Variants in NOVA2 observed in about 807,000 individuals in gnomAD.
NOVA2 encodes the protein RNA-binding protein Nova-2.
NOVA2 carries 9 observed loss-of-function variants against 22.5 expected under a neutral mutation model. The ratio of observed to expected loss-of-function variants is 0.40; its 90% CI spans 0.24 to 0.70. The LOEUF is 0.70. Among genes scored for constraint, NOVA2 ranks in the 30% least tolerant of loss-of-function variants. The probability of loss-of-function intolerance (pLI) is 0.38; values close to 1 mark genes in which losing one functional copy is unlikely to be tolerated. For missense variants in NOVA2, 383 were observed against 682.8 expected (o/e 0.56, Z 4.89); for synonymous variants, 318 against 335.2 (o/e 0.95, Z 0.56).
chr19:45,964,581 C>CTCTCTCTCTT (rs1968145349), intron 1 of NOVA2, among the ~76,000 whole-genome samples: 1 of 151,302 alleles, frequency 6.6e-6, no homozygotes, highest in Non-Finnish European at 1.5e-5. Context: ...CTCTCTCTCT[C>CTCTCTCTCTT]TCTTTCTCTT....
At chr19:45,962,654 T>G (rs1186299213) in intron 1 of NOVA2, 2 of 152,282 alleles carry the variant, frequency 1.3e-5, no homozygotes, top group Non-Finnish European at 1.5e-5. Flanking sequence ...TTTTCTTTTT[T>G]TGTTTTTCCT....
intron 1 of NOVA2, among the ~76,000 whole-genome samples, chr19:45,969,646 G>A (rs375313929): frequency 7.9e-5 from 12 of 151,868 alleles, no homozygotes; most frequent in South Asian, 2.1e-4. Context: ...ACAGAGGTGG[G>A]AATATAGTCA....
intron 3 of NOVA2, among the ~76,000 whole-genome samples, chr19:45,942,290 A>G (rs1218491970): frequency 6.6e-6 from 1 of 152,174 alleles, no homozygotes; most frequent in African/African-American, 2.4e-5. Flanking sequence ...GGCGGGCCCT[A>G]ATTTACTGAC....
rs1220683431 is a variant in NOVA2, at chr19:45,935,757, A to G, written c.*4106T>C. On this transcript the variant is annotated 3_prime_UTR_variant, in exon 4 of 4. Transcript: ENST00000263257. The stretch of plus-strand genomic sequence containing the variant: ...TCCAAACAATTGGCCACCAATCAAA[A>G]CAAAGTAAGAAGGAGGATGTGGGAT... 1 of 152,342 alleles carries G rather than the reference A, an allele frequency of 6.6e-6. No homozygotes were observed. Among genetic ancestry groups the G allele is most frequent in the Non-Finnish European group, 1.5e-5 (1 of 68,086 alleles). 9.4% of individuals were successfully genotyped at this position (152,342 alleles called of 1,614,324 possible). A position where few individuals can be genotyped will look rare whatever the true frequency, so the allele number is the denominator to read the frequency against.
intron 3 of NOVA2, among the ~76,000 whole-genome samples, chr19:45,949,931 G>A (rs1967898881): frequency 6.6e-6 from 1 of 151,790 alleles, no homozygotes; most frequent in East Asian, 1.9e-4. Context: ...AGTAGAGATG[G>A]GGTTTCACCA....
intron 1 of NOVA2, among the ~76,000 whole-genome samples, chr19:45,966,658 A>G (rs7247020): frequency 0.78 from 119,190 of 152,110 alleles, 46,969 homozygotes; most frequent in East Asian, 0.86. Context: ...CAGATGGATC[A>G]CCTGAGGTCA....
intron 3 of NOVA2, among the ~76,000 whole-genome samples, chr19:45,952,742 G>A (rs1967944406): frequency 6.6e-6 from 1 of 152,228 alleles, no homozygotes; most frequent in Non-Finnish European, 1.5e-5. Context: ...TCAGCACCAA[G>A]GACAGCGTCC....
chr19:45,973,152 G>A, intron 1 of NOVA2, 115 bp downstream of exon 1: 1 of 359,874 alleles, frequency 2.8e-6, no homozygotes, highest in South Asian at 3.9e-5. Context: ...GCCTCGGGGA[G>A]GGGTGTCTCT....
At chr19:45,957,704 A>C (rs1968025340) in intron 2 of NOVA2, among the ~76,000 whole-genome samples, 1 of 151,926 alleles carries the variant, frequency 6.6e-6, no homozygotes, top group Non-Finnish European at 1.5e-5. Context: ...ACCCTGCCTC[A>C]ATATAAATAA....
Position 45,942,305 on chromosome 19 carries a change from G to A in NOVA2, c.397-1360C>T, listed in dbSNP as rs1967772309. 2.0e-5 allele frequency among the ~76,000 whole-genome samples: 3 copies of A among 152,166 alleles called. No homozygotes were observed. In the South Asian group the frequency reaches 6.2e-4, roughly 32 times the overall value. ...GGCGGGCCCTAATTTACTGACTGGT[G>A]TCCTTATAAGCAGAGGAGATTAGGA... On this transcript the variant is annotated intron_variant, in intron 3 of 3. Coordinates refer to ENST00000263257, the MANE Select transcript of NOVA2 (RefSeq NM_002516.4).
chr19:45,959,720 G>A (rs191855147), intron 2 of NOVA2, among the ~76,000 whole-genome samples: 130 of 151,110 alleles, frequency 8.6e-4, no homozygotes, highest in African/African-American at 3.0e-3. Flanking sequence ...GAGAAGAGGA[G>A]AGAAGATAGA....
At position 45,940,931 on chromosome 19, in the gene NOVA2, G is replaced by A; in HGVS notation, c.411C>T (p.Val137=). The change falls in exon 4 of 4, where the codon GTC becomes GTT. Residue 137 remains valine (V), a synonymous_variant. Coordinates refer to ENST00000263257, the MANE Select transcript of NOVA2 (RefSeq NM_002516.4). ...PDRAKQAKLI[V]PNSTAGLIIG... Reference sequence around the variant, plus strand: ...TGATCAGGCCCGCCGTGCTGTTGGGGACGATCAGCTTGGCCTGCGTGGGGA... The same window carrying A: ...TGATCAGGCCCGCCGTGCTGTTGGGAACGATCAGCTTGGCCTGCGTGGGGA... 1 of 1,603,126 alleles carries A rather than the reference G, an allele frequency of 6.2e-7. No homozygotes were observed. Among genetic ancestry groups the A allele is most frequent in the Non-Finnish European group, 8.5e-7 (1 of 1,179,520 alleles).
intron 3 of NOVA2, among the ~76,000 whole-genome samples, chr19:45,942,390 G>T (rs1967773544): frequency 6.6e-6 from 1 of 152,170 alleles, no homozygotes; most frequent in African/African-American, 2.4e-5. Context: ...GTCTAGGAGA[G>T]AGGCCTCAGA....
intron 3 of NOVA2, among the ~76,000 whole-genome samples, chr19:45,943,111 T>C (rs1187707733): frequency 6.7e-6 from 1 of 149,910 alleles, no homozygotes; most frequent in East Asian, 2.0e-4. Context: ...TGGTACACAG[T>C]GGTGCGATCT....
At chr19:45,956,909 A>C (rs1370515785) in intron 2 of NOVA2, among the ~76,000 whole-genome samples, 1 of 152,230 alleles carries the variant, frequency 6.6e-6, no homozygotes, top group African/African-American at 2.4e-5. Flanking sequence ...ATTTGAACCC[A>C]GGTGTCTGGC....
chr19:45,970,104 C>T (rs961520043), intron 1 of NOVA2, among the ~76,000 whole-genome samples: 2 of 152,252 alleles, frequency 1.3e-5, no homozygotes, highest in South Asian at 2.1e-4. Flanking sequence ...AGCTGAGTGA[C>T]GTTGGGCAAG....
intron 1 of NOVA2, among the ~76,000 whole-genome samples, chr19:45,965,637 G>A (rs985627210): frequency 2.0e-5 from 3 of 152,178 alleles, no homozygotes; most frequent in Non-Finnish European, 4.4e-5. Flanking sequence ...GGCTGGGGCA[G>A]GAGAGTCGTT....
In NOVA2 at chr19:45,939,656, G is replaced by A; in HGVS notation, c.*207C>T. 1.6e-6 allele frequency: 1 copy of A among 625,200 alleles called. No individual in the cohort carries two copies. Among genetic ancestry groups the A allele is most frequent in the Middle Eastern group, 4.4e-4 (1 of 2,282 alleles). 38.7% of individuals were successfully genotyped at this position (625,200 alleles called of 1,614,324 possible). On this transcript the variant is annotated 3_prime_UTR_variant, in exon 4 of 4. Transcript: ENST00000263257. ...AGGAAGGAGGGGTCAGTTCCGGGCT[G>A]GGGAGGGGGCTTCTGAGCCCCCTTC...
chr19:45,954,257 G>A (rs776582720), intron 2 of NOVA2, among the ~76,000 whole-genome samples: 1 of 152,184 alleles, frequency 6.6e-6, no homozygotes, highest in African/African-American at 2.4e-5. Flanking sequence ...GGGCTCAGCT[G>A]CCTCTTCTCA....
Sources: allele counts gnomAD v4.1 joint callset (sites outside exome capture counted in the v4.1 genomes callset), GRCh38; gene constraint gnomAD v4.1.1; transcripts MANE v1.5; gene names NCBI Gene and HGNC (gene_info 2026-07-23, HGNC 2026-07-21).